ANK1: variants seen among roughly 807,000 people sequenced by gnomAD.
The protein encoded by ANK1 is ankyrin-1.
ANK1 carries 51 observed loss-of-function variants against 210.4 expected under a neutral mutation model. The observed-to-expected ratio is 0.24, with a 90% confidence interval of 0.19 to 0.31. The LOEUF is 0.31. ANK1 is among the 10% of genes least tolerant of loss of function. ANK1 has a pLI of 1.00. For missense variants in ANK1, 2,051 were observed against 2,504.4 expected (o/e 0.82, Z 3.86); for synonymous variants, 967 against 1,025.9 (o/e 0.94, Z 1.10).
intron 1 of ANK1, among the ~76,000 whole-genome samples, chr8:41,780,878 G>A (rs1019692487): frequency 2.6e-5 from 4 of 152,184 alleles, no homozygotes; most frequent in Admixed American, 1.3e-4. Context: ...ACCAAGAGTG[G>A]GTCCCAGGGG....
intron 1 of ANK1, among the ~76,000 whole-genome samples, chr8:41,885,561 T>C (rs1457892637): frequency 6.6e-6 from 1 of 152,186 alleles, no homozygotes; most frequent in East Asian, 1.9e-4. Flanking sequence ...CTATCCCAAA[T>C]CAGAGGAGAC....
intron 1 of ANK1, among the ~76,000 whole-genome samples, chr8:41,861,804 G>A (rs1587480540): frequency 6.6e-6 from 1 of 152,174 alleles, no homozygotes; most frequent in African/African-American, 2.4e-5. Flanking sequence ...CCCTCTCCCC[G>A]CACCCCTGCG....
At chr8:41,802,076 G>A (rs1391603058), upstream of ANK1, among the ~76,000 whole-genome samples, 1 of 152,000 alleles carries the variant, frequency 6.6e-6, no homozygotes, top group Non-Finnish European at 1.5e-5. Context: ...TGCAACCTCC[G>A]CCTCCCGGGT....
At chr8:41,839,617 C>T (rs1250510264) in intron 1 of ANK1, among the ~76,000 whole-genome samples, 1 of 152,172 alleles carries the variant, frequency 6.6e-6, no homozygotes, top group African/African-American at 2.4e-5. Context: ...GTATTCAGCC[C>T]CAAATCCTCA....
At chr8:41,657,895 AT>A (rs1350986092) in intron 42 of ANK1, among the ~76,000 whole-genome samples, 1 of 152,084 alleles carries the variant, frequency 6.6e-6, no homozygotes, top group African/African-American at 2.4e-5. Context: ...TTTTTATTTC[AT>A]TTAGAGACAG....
At chr8:41,820,478 A>G (rs1293641804) in intron 1 of ANK1, among the ~76,000 whole-genome samples, 2 of 152,036 alleles carry the variant, frequency 1.3e-5, no homozygotes, top group Non-Finnish European at 2.9e-5. Context: ...TTACAGGAAT[A>G]AGCCCCCACA....
chr8:41,864,745 T>C (rs1454915325), intron 1 of ANK1, among the ~76,000 whole-genome samples: 3 of 152,216 alleles, frequency 2.0e-5, no homozygotes, highest in Non-Finnish European at 1.5e-5. Flanking sequence ...CCGTCGTCAC[T>C]CATGGAACCA....
intron 1 of ANK1, among the ~76,000 whole-genome samples, chr8:41,785,371 A>G (rs1846133135): frequency 6.6e-6 from 1 of 152,124 alleles, no homozygotes; most frequent in South Asian, 2.1e-4. Flanking sequence ...AAAAGCAATT[A>G]ATTAGATAAT....
intron 1 of ANK1, among the ~76,000 whole-genome samples, chr8:41,777,942 A>G (rs558478159): frequency 2.0e-5 from 3 of 152,210 alleles, no homozygotes; most frequent in South Asian, 4.2e-4. Flanking sequence ...ATAAGATACC[A>G]AGATGCCAAT....
chr8:41,868,561 T>C (rs1343453886), intron 1 of ANK1, among the ~76,000 whole-genome samples: 1 of 152,250 alleles, frequency 6.6e-6, no homozygotes, highest in South Asian at 2.1e-4. Context: ...TTATTCTCAT[T>C]TTGTAAATGA....
At chr8:41,703,702 G>A (rs1823737196) in intron 20 of ANK1, among the ~76,000 whole-genome samples, 1 of 151,592 alleles carries the variant, frequency 6.6e-6, no homozygotes, top group Non-Finnish European at 1.5e-5. Context: ...TGTTGCCCAC[G>A]CTGGTCTTGA....
chr8:41,863,322 G>A (rs1160419330), intron 1 of ANK1, among the ~76,000 whole-genome samples: 1 of 151,846 alleles, frequency 6.6e-6, no homozygotes, highest in Non-Finnish European at 1.5e-5. Flanking sequence ...TCGCACCACT[G>A]CACTCTAGCC....
chr8:41,727,229 A>C, intron 5 of ANK1, 21 bp downstream of exon 5: 1 of 1,601,526 alleles, frequency 6.2e-7, no homozygotes, highest in South Asian at 1.1e-5. Flanking sequence ...GGTGGTGACG[A>C]CATTTTTCCA....
intron 1 of ANK1, among the ~76,000 whole-genome samples, chr8:41,848,415 G>A (rs1443574936): frequency 1.3e-5 from 2 of 152,178 alleles, no homozygotes; most frequent in African/African-American, 2.4e-5. Context: ...TGGGAAGCGT[G>A]AAGCATTAAC....
chr8:41,715,213 C>T, intron 14 of ANK1, 139 bp from the exon 15 acceptor site: 1 of 778,142 alleles, frequency 1.3e-6, no homozygotes, highest in South Asian at 1.7e-5. Context: ...TTTGAGCCCT[C>T]TGGGAGGCCG....
At chr8:41,691,478 G>C (rs1213692532) in intron 31 of ANK1, among the ~76,000 whole-genome samples, 2 of 152,206 alleles carry the variant, frequency 1.3e-5, no homozygotes. Context: ...GGGGCCCTCA[G>C]CCTTCCCCAG....
chr8:41,893,453 G>A (rs1324426755), intron 1 of ANK1, among the ~76,000 whole-genome samples: 1 of 152,164 alleles, frequency 6.6e-6, no homozygotes, highest in African/African-American at 2.4e-5. Context: ...TTCTATCTGT[G>A]TCAGTCAGTG....
At chr8:41,814,725 TA>T (rs1486161246) in intron 1 of ANK1, among the ~76,000 whole-genome samples, 1 of 118,576 alleles carries the variant, frequency 8.4e-6, no homozygotes, top group East Asian at 2.0e-4. Context: ...TTTAGATTCT[TA>T]TTTTTTTTTA....
At chr8:41,811,744 T>G (rs1294023091) in intron 1 of ANK1, among the ~76,000 whole-genome samples, 1 of 152,212 alleles carries the variant, frequency 6.6e-6, no homozygotes, top group East Asian at 1.9e-4. Context: ...GAGGACTCCG[T>G]GAGGTTATGC....
Sources: allele counts gnomAD v4.1 joint callset (sites outside exome capture counted in the v4.1 genomes callset), GRCh38; gene constraint gnomAD v4.1.1; transcripts MANE v1.5; gene names NCBI Gene and HGNC (gene_info 2026-07-23, HGNC 2026-07-21).